The following NCOA5 variants were observed in gnomAD, a reference collection of about 807,000 sequenced individuals.
NCOA5 encodes NCoA-5.
A neutral mutation model predicts 59.0 loss-of-function variants in NCOA5; 12 were observed. The ratio of observed to expected loss-of-function variants is 0.20; its 90% CI spans 0.13 to 0.33. The LOEUF (loss-of-function observed/expected upper bound fraction) is 0.33, where lower values mean the gene tolerates loss of function less well. Ranked by LOEUF, NCOA5 falls within the 10% of genes least tolerant of loss-of-function variation. NCOA5 has a pLI of 1.00. For synonymous variants in NCOA5, 270 were observed against 275.5 expected, an observed-to-expected ratio of 0.98 and a Z score of 0.20; for missense variants, 655 against 766.6, an observed-to-expected ratio of 0.85 and a Z score of 1.72.
intron 7 of NCOA5, 134 bp downstream of exon 7, chr20:46,063,226 G>A (rs953731795): frequency 8.3e-6 from 7 of 839,812 alleles, no homozygotes; most frequent in Middle Eastern, 3.5e-4. Flanking sequence ...GGTGGCCCAC[G>A]GGAGAACCCA....
At chr20:46,065,584 A>T (rs1286611734) in intron 5 of NCOA5, among the ~76,000 whole-genome samples, 1 of 152,206 alleles carries the variant, frequency 6.6e-6, no homozygotes, top group South Asian at 2.1e-4. Context: ...TTAACGCTAG[A>T]AACATGGGTT....
rs769188989 is a variant in NCOA5 at position 46,062,705 on chromosome 20, C to A, written c.1335G>T (p.Thr445=). 6.2e-7 allele frequency: 1 copy of A among 1,613,972 alleles called. No individual in the cohort carries two copies. The highest frequency in any genetic ancestry group is 1.7e-5 in the Admixed American group (1 of 60,000). The change falls in exon 8 of 8, where the codon ACG becomes ACT. Residue 445 remains threonine (T), a synonymous_variant. Coordinates refer to ENST00000290231, the MANE Select transcript of NCOA5 (RefSeq NM_020967.3). ...ILSLFNSGTV[T]ANSSSASPSV... is the part of the protein sequence containing the mutation. ...AGGGGGATGCAGAGCTGCTATTGGCCGTCACTGTGCCACTATTGAAGAGGC... is the reference window on the plus strand; with the variant it reads ...AGGGGGATGCAGAGCTGCTATTGGCAGTCACTGTGCCACTATTGAAGAGGC...
In NCOA5 at chr20:46,067,056, T is replaced by C; in HGVS notation, c.628A>G (p.Lys210Glu). The change falls in exon 5 of 8, where the codon AAA becomes GAA. Residue 210 changes from lysine (K) to glutamate (E), a missense_variant and splice_region_variant. Transcript: ENST00000290231. ...GGAGAAATATCTAAGGGTTCTTACT[T>C]TGTCTGTTTGTTGACCACAATCACA... is the stretch of plus-strand genomic sequence containing the variant. The part of the protein sequence containing the change: ...CSVIVVNKQT[K>E]DYAESVGRKV... 1 of 1,613,134 alleles carries C rather than the reference T, an allele frequency of 6.2e-7. No homozygotes were observed. Among genetic ancestry groups the C allele is most frequent in the East Asian group, 2.2e-5 (1 of 44,882 alleles).
At chr20:46,066,454 C>T (rs1282632303) in intron 5 of NCOA5, among the ~76,000 whole-genome samples, 6 of 152,128 alleles carry the variant, frequency 3.9e-5, no homozygotes, top group Non-Finnish European at 7.3e-5. Context: ...GCTTGACCAG[C>T]GGCTACACCC....
intron 1 of NCOA5, among the ~76,000 whole-genome samples, chr20:46,083,635 A>C (rs541152236): frequency 6.6e-6 from 1 of 152,356 alleles, no homozygotes; most frequent in South Asian, 2.1e-4. Context: ...TGTTTTAATA[A>C]CTGACTACAA....
intron 7 of NCOA5, 46 bp downstream of exon 7, chr20:46,063,314 G>C (rs1271585123): frequency 1.3e-6 from 2 of 1,582,716 alleles, no homozygotes; most frequent in Non-Finnish European, 1.7e-6. Context: ...GGGGATTAGA[G>C]AAATGCAGAG....
intron 5 of NCOA5, among the ~76,000 whole-genome samples, chr20:46,065,807 T>C (rs144719001): frequency 1.3e-4 from 20 of 152,298 alleles, no homozygotes; most frequent in African/African-American, 2.2e-4. Flanking sequence ...ACCTGCCCCA[T>C]TGGGTGTAAG....
chr20:46,064,957 C>T (rs1009976837), intron 6 of NCOA5, 72 bp downstream of exon 6: 2 of 1,525,430 alleles, frequency 1.3e-6, no homozygotes, highest in Non-Finnish European at 1.8e-6. Context: ...TGCCCAAAAC[C>T]TGCTTCTTCT....
intron 1 of NCOA5, among the ~76,000 whole-genome samples, chr20:46,083,864 C>T (rs1184602965): frequency 1.3e-5 from 2 of 152,154 alleles, no homozygotes; most frequent in East Asian, 3.8e-4. Flanking sequence ...ATTGCAACAT[C>T]AGGGATATTG....
chr20:46,072,414 A>G (rs762187807), intron 2 of NCOA5, among the ~76,000 whole-genome samples: 1 of 152,192 alleles, frequency 6.6e-6, no homozygotes, highest in African/African-American at 2.4e-5. Context: ...GGAACACTAC[A>G]GCCTTGAACT....
At chr20:46,081,852 C>T (rs1374166695) in intron 1 of NCOA5, among the ~76,000 whole-genome samples, 1 of 151,434 alleles carries the variant, frequency 6.6e-6, no homozygotes, top group East Asian at 1.9e-4. Flanking sequence ...TGTAAAAACA[C>T]AACCACCAAC....
intron 4 of NCOA5, 122 bp from the exon 5 acceptor site, chr20:46,067,303 G>T: frequency 8.7e-7 from 1 of 1,151,948 alleles, no homozygotes; most frequent in Non-Finnish European, 1.2e-6. Context: ...CCTAAAAACA[G>T]CCAGTATTAA....
At chr20:46,080,430 CT>C (rs1020468795) in intron 1 of NCOA5, among the ~76,000 whole-genome samples, 58 of 152,220 alleles carry the variant, frequency 3.8e-4, no homozygotes, top group Non-Finnish European at 2.6e-4. Flanking sequence ...GTTTGTTCCC[CT>C]TTTTCCGTAT....
At position 46,068,517 on chromosome 20, in the gene NCOA5, G is replaced by C. The variant is rs921764013; in HGVS notation, c.487C>G (p.Gln163Glu). 2 of 1,611,754 alleles carry C rather than the reference G, an allele frequency of 1.2e-6. No individual in the cohort carries two copies. The highest frequency in any genetic ancestry group is 2.7e-5 in the African/African-American group (2 of 74,900). The change falls in exon 4 of 8, where the codon CAG becomes GAG. Residue 163 changes from glutamine to glutamate, a missense_variant. Transcript: ENST00000290231. ...GCTACTTTACCTTTTGCACGAGACTGACTTTCTGGGCCTGGAGGGCCCCGT... is the reference window on the plus strand; with the variant it reads ...GCTACTTTACCTTTTGCACGAGACTCACTTTCTGGGCCTGGAGGGCCCCGT... Reference protein sequence around the residue: ...DGRGPPGPESQSRAKERLKRE... With the variant: ...DGRGPPGPESESRAKERLKRE...
chr20:46,081,887 A>C (rs535246151), intron 1 of NCOA5, among the ~76,000 whole-genome samples: 1 of 152,208 alleles, frequency 6.6e-6, no homozygotes, highest in Non-Finnish European at 1.5e-5. Context: ...CCATACACCC[A>C]AAAAATCCTA....
At chr20:46,082,244 A>C (rs1458376217) in intron 1 of NCOA5, among the ~76,000 whole-genome samples, 3 of 152,182 alleles carry the variant, frequency 2.0e-5, no homozygotes, top group Non-Finnish European at 4.4e-5. Flanking sequence ...AGAAAGACAC[A>C]GTATCTAATC....
At chr20:46,063,067 C>T (rs1463423158) in intron 7 of NCOA5, among the ~76,000 whole-genome samples, 178 bp from the exon 8 acceptor site, 1 of 152,176 alleles carries the variant, frequency 6.6e-6, no homozygotes, top group Non-Finnish European at 1.5e-5. Context: ...AAACAATAGG[C>T]TAGTTCCCCT....
At chr20:46,088,029 G>A (rs1481589376) in intron 1 of NCOA5, among the ~76,000 whole-genome samples, 3 of 152,000 alleles carry the variant, frequency 2.0e-5, no homozygotes, top group African/African-American at 7.3e-5. Context: ...TTTGAGGGGA[G>A]GGGAAGAAAA....
intron 7 of NCOA5, among the ~76,000 whole-genome samples, 198 bp downstream of exon 7, chr20:46,063,162 G>C (rs2084785882): frequency 6.6e-6 from 1 of 152,056 alleles, no homozygotes; most frequent in South Asian, 2.1e-4. Flanking sequence ...TTAACTATAG[G>C]GATCAGCATT....
Sources: gnomAD v4.1 joint callset for allele counts (sites outside exome capture counted in the v4.1 genomes callset) on GRCh38, gnomAD v4.1.1 for gene constraint, MANE v1.5 for transcripts, NCBI Gene and HGNC (gene_info 2026-07-23, HGNC 2026-07-21) for gene names.